SLC26A8: variants seen among roughly 807,000 people sequenced by gnomAD.
SLC26A8 encodes testis anion transporter 1.
Under a neutral mutation model 105.0 loss-of-function variants are expected in SLC26A8, and 70 were observed. That is an observed-to-expected ratio of 0.67 (90% CI 0.55 to 0.81). The LOEUF (loss-of-function observed/expected upper bound fraction) is 0.81, where lower values mean the gene tolerates loss of function less well. Ranked by LOEUF, SLC26A8 falls within the 40% of genes least tolerant of loss-of-function variation. The pLI is 0.00. For missense variants in SLC26A8, 998 were observed against 1,181.8 expected (o/e 0.84, Z 2.28); for synonymous variants, 415 against 438.3 (o/e 0.95, Z 0.66).
Position 35,943,780 on chromosome 6 carries a change from G to C in SLC26A8, c.*120C>G. 7.1e-7 allele frequency: 1 copy of C among 1,414,196 alleles called. No individual in the cohort carries two copies. The highest frequency in any genetic ancestry group is 9.5e-7 in the Non-Finnish European group (1 of 1,055,822). 87.6% of individuals were successfully genotyped at this position (1,414,196 alleles called of 1,614,324 possible). ...GGAAGAAGGCTGGCAGGTAGTAGGA[G>C]TCACAGTCAGGAAGGAAGTACTGCT... On this transcript the variant is annotated 3_prime_UTR_variant, in exon 20 of 20. Coordinates refer to ENST00000490799, the MANE Select transcript of SLC26A8 (RefSeq NM_052961.4).
rs143275079 is a variant in SLC26A8, at chr6:35,970,090, C to A, written c.1288-1136G>T. On this transcript the variant is annotated intron_variant, in intron 10 of 19. Transcript: ENST00000490799. ...ATAGAAACCAGTGTCATTTTCACTGCGATGGGAATAGGGGATGGGGCAAAA... is the reference window on the plus strand; with the variant it reads ...ATAGAAACCAGTGTCATTTTCACTGAGATGGGAATAGGGGATGGGGCAAAA... Among the ~76,000 whole-genome samples the A allele has an allele frequency of 7.0e-4, 107 of 152,208 alleles. 1 individual carries two copies. In the East Asian group the frequency reaches 0.018, roughly 26 times the overall value.
intron 4 of SLC26A8, among the ~76,000 whole-genome samples, chr6:35,999,322 T>A (rs953690273): frequency 1.3e-5 from 2 of 148,250 alleles, no homozygotes; most frequent in Non-Finnish European, 2.9e-5. Flanking sequence ...ATTGGTCAGT[T>A]CAGTGGAGAA....
At chr6:35,948,940 C>T (rs1187547201) in intron 19 of SLC26A8, among the ~76,000 whole-genome samples, 1 of 152,204 alleles carries the variant, frequency 6.6e-6, no homozygotes, top group Non-Finnish European at 1.5e-5. Flanking sequence ...TGTGGGGATG[C>T]TGCTGAGAGA....
chr6:35,967,321 G>A (rs554272215), intron 11 of SLC26A8, among the ~76,000 whole-genome samples: 21 of 152,216 alleles, frequency 1.4e-4, no homozygotes, highest in Non-Finnish European at 2.9e-5. Context: ...CAGCCACCTC[G>A]GTGTGTAACC....
rs546708775 is a variant in SLC26A8 at position 35,991,262 on chromosome 6, G to A, written c.942+397C>T. ...TTAAAAAAAATACAAAAATTAGCTC[G>A]CCATTGTGGCACACACCTGTAATTC... On this transcript the variant is annotated intron_variant, in intron 7 of 19. Coordinates refer to ENST00000490799, the MANE Select transcript of SLC26A8 (RefSeq NM_052961.4). Among the ~76,000 whole-genome samples, 4 of 152,010 alleles carry A rather than the reference G, an allele frequency of 2.6e-5. No individual in the cohort carries two copies. The South Asian group carries it at 6.2e-4, about 24-fold the overall frequency.
chr6:36,021,158 A>G (rs1162042638), intron 1 of SLC26A8, among the ~76,000 whole-genome samples: 1 of 152,218 alleles, frequency 6.6e-6, no homozygotes, highest in African/African-American at 2.4e-5. Context: ...ATGCTGTATA[A>G]CAACCATGAA....
At chr6:35,963,063 GCTGACAATAGCCC>G (rs1233126325) in intron 11 of SLC26A8, among the ~76,000 whole-genome samples, 1 of 152,162 alleles carries the variant, frequency 6.6e-6, no homozygotes, top group African/African-American at 2.4e-5. Flanking sequence ...AGCCAGGAAA[GCTGACAATAGCCC>G]CTTTTAGATT....
At chr6:35,991,590 T>G in intron 7 of SLC26A8, 69 bp downstream of exon 7, 1 of 1,293,644 alleles carries the variant, frequency 7.7e-7, no homozygotes, top group African/African-American at 1.5e-5. Context: ...TTTACACAAT[T>G]CAACTCAGCA....
At chr6:36,007,909 A>G (rs1761737023) in intron 3 of SLC26A8, among the ~76,000 whole-genome samples, 1 of 150,268 alleles carries the variant, frequency 6.7e-6, no homozygotes, top group African/African-American at 2.5e-5. Context: ...TCACGAGGTC[A>G]GGAAATCGAG....
At chr6:36,023,061 T>C (rs1446663011) in intron 1 of SLC26A8, among the ~76,000 whole-genome samples, 1 of 151,548 alleles carries the variant, frequency 6.6e-6, no homozygotes, top group African/African-American at 2.4e-5. Flanking sequence ...CCACTATAAA[T>C]ATAGTGGATT....
At chr6:35,957,197 C>T (rs557260368) in intron 16 of SLC26A8, among the ~76,000 whole-genome samples, 36 of 152,000 alleles carry the variant, frequency 2.4e-4, no homozygotes, top group African/African-American at 7.0e-4. Context: ...ACTCCAGCCC[C>T]GGTAACAAGA....
At chr6:36,004,122 C>A (rs1287185073) in intron 3 of SLC26A8, among the ~76,000 whole-genome samples, 3 of 143,594 alleles carry the variant, frequency 2.1e-5, no homozygotes, top group African/African-American at 7.9e-5. Flanking sequence ...GTTGCCCAGG[C>A]TAGAGTGCAG....
At chr6:35,963,644 T>A (rs758077108) in intron 11 of SLC26A8, among the ~76,000 whole-genome samples, 5 of 152,354 alleles carry the variant, frequency 3.3e-5, no homozygotes, top group South Asian at 4.1e-4. Context: ...ATCTATCCCC[T>A]TCTGCTTCTG....
Position 35,943,702 on chromosome 6 carries a change from A to T in SLC26A8, c.*198T>A. On this transcript the variant is annotated 3_prime_UTR_variant, in exon 20 of 20. Transcript: ENST00000490799. The stretch of plus-strand genomic sequence containing the variant: ...GAGCCTGGATAGGGAATTCAGAGAT[A>T]ATTGTTGGCATTTAGTAATGTGATT... 1 of 694,816 alleles carries T rather than the reference A, an allele frequency of 1.4e-6. No individual in the cohort carries two copies. Among genetic ancestry groups the T allele is most frequent in the Non-Finnish European group, 2.3e-6 (1 of 438,080 alleles). The allele number at this position is 694,816 out of a possible 1,614,324, so 43.0% of individuals were successfully genotyped here. A position where few individuals can be genotyped will look rare whatever the true frequency, so the allele number is the denominator to read the frequency against.
chr6:35,987,918 T>C (rs918458683), intron 7 of SLC26A8, among the ~76,000 whole-genome samples: 1 of 151,030 alleles, frequency 6.6e-6, no homozygotes, highest in Non-Finnish European at 1.5e-5. Context: ...TTTCTTTTTT[T>C]TTTTTTTTTT....
At chr6:35,978,810 GTCT>G (rs141030176) in intron 8 of SLC26A8, among the ~76,000 whole-genome samples, 4,721 of 149,096 alleles carry the variant, frequency 0.032, 253 homozygotes, top group African/African-American at 0.11. Context: ...ATCCAACTAT[GTCT>G]TCTTCTTCTT....
intron 9 of SLC26A8, among the ~76,000 whole-genome samples, chr6:35,976,568 T>TTTTTTTTTTA: frequency 6.7e-6 from 1 of 149,898 alleles, no homozygotes; most frequent in African/African-American, 2.5e-5. Flanking sequence ...TTTTTTTTTT[T>TTTTTTTTTTA]GAGATGGAGT....
chr6:36,004,286 G>A (rs979589068), intron 3 of SLC26A8, among the ~76,000 whole-genome samples: 16 of 151,774 alleles, frequency 1.1e-4, no homozygotes, highest in Admixed American at 3.3e-4. Context: ...TGTGTTGCCA[G>A]GCTGGTCTTG....
intron 17 of SLC26A8, among the ~76,000 whole-genome samples, chr6:35,952,827 A>G (rs1451348278): frequency 6.6e-6 from 1 of 152,084 alleles, no homozygotes; most frequent in African/African-American, 2.4e-5. Context: ...AAGCCTGGCC[A>G]ATATGGTGAA....
Sources: allele counts gnomAD v4.1 joint callset (sites outside exome capture counted in the v4.1 genomes callset), GRCh38; gene constraint gnomAD v4.1.1; transcripts MANE v1.5; gene names NCBI Gene and HGNC (gene_info 2026-07-23, HGNC 2026-07-21).